Variants in TANC2 observed in about 807,000 individuals in gnomAD.
TANC2 encodes tetratricopeptide repeat, ankyrin repeat and coiled-coil containing 2.
In TANC2, 26 loss-of-function variants were observed where a neutral mutation model predicts 210.5. The observed-to-expected ratio is 0.12, with a 90% confidence interval of 0.09 to 0.17. TANC2 has a LOEUF of 0.17. Ranked by LOEUF, TANC2 falls within the 10% of genes least tolerant of loss-of-function variation. The pLI is 1.00. For missense variants in TANC2, 2,129 were observed against 2,608.9 expected, an observed-to-expected ratio of 0.82 and a Z score of 4.01; for synonymous variants, 931 against 967.1, an observed-to-expected ratio of 0.96 and a Z score of 0.69.
intron 4 of TANC2, among the ~76,000 whole-genome samples, chr17:63,139,810 A>G (rs1479064530): frequency 1.3e-5 from 2 of 152,184 alleles, no homozygotes; most frequent in Non-Finnish European, 2.9e-5. Flanking sequence ...AGGCAGAGGT[A>G]GGAGGATCAC....
chr17:63,095,151 T>C (rs2037340761), intron 3 of TANC2, among the ~76,000 whole-genome samples: 1 of 151,996 alleles, frequency 6.6e-6, no homozygotes, highest in African/African-American at 2.4e-5. Flanking sequence ...GCCAGTGGAA[T>C]GTTAGTGAGC....
chr17:63,088,233 G>C (rs74975156), intron 3 of TANC2: 50 of 152,190 alleles, frequency 3.3e-4, no homozygotes, highest in African/African-American at 1.1e-3. Context: ...GTGGTATATA[G>C]TCATAAGGTT....
intron 11 of TANC2, chr17:63,332,021 C>T (rs2045872539): frequency 7.1e-6 from 2 of 280,594 alleles, no homozygotes; most frequent in South Asian, 4.5e-5. Context: ...CATCATCCAC[C>T]TCTGGCTGTT....
chr17:63,037,580 G>C (rs1238999334), intron 2 of TANC2, among the ~76,000 whole-genome samples: 1 of 152,074 alleles, frequency 6.6e-6, no homozygotes, highest in Non-Finnish European at 1.5e-5. Context: ...TTAGGAGGCT[G>C]AGGCAGGCGG....
intron 1 of TANC2, among the ~76,000 whole-genome samples, chr17:62,999,390 T>C (rs2033266185): frequency 6.6e-6 from 1 of 152,190 alleles, no homozygotes; most frequent in Admixed American, 6.5e-5. Flanking sequence ...CTCAGGTATT[T>C]ATAGTAGTGC....
intron 15 of TANC2, among the ~76,000 whole-genome samples, chr17:63,388,258 G>A (rs1873996522): frequency 6.6e-6 from 1 of 152,136 alleles, no homozygotes; most frequent in Non-Finnish European, 1.5e-5. Context: ...AAATGTTCAG[G>A]AAGAAAATGA....
intron 5 of TANC2, among the ~76,000 whole-genome samples, chr17:63,183,264 G>C (rs1038008938): frequency 1.3e-5 from 2 of 152,206 alleles, no homozygotes; most frequent in African/African-American, 4.8e-5. Context: ...AACATTGCCA[G>C]CATAAATCTT....
At chr17:63,407,162 C>G (rs1326758999) in intron 21 of TANC2, among the ~76,000 whole-genome samples, 3 of 152,244 alleles carry the variant, frequency 2.0e-5, no homozygotes, top group Non-Finnish European at 4.4e-5. Context: ...CAGTCAGAGA[C>G]TTACTGGATC....
intron 5 of TANC2, chr17:63,154,289 T>A (rs1223162087): frequency 6.6e-6 from 1 of 152,150 alleles, no homozygotes; most frequent in African/African-American, 2.4e-5. Context: ...GTTCAGCTCT[T>A]GAAGTGGACA....
At chr17:63,419,278 TCTC>T (rs539730392) in intron 27 of TANC2, among the ~76,000 whole-genome samples, 64 of 152,306 alleles carry the variant, frequency 4.2e-4, no homozygotes, top group African/African-American at 1.4e-3. Context: ...TGACTGAAAT[TCTC>T]CTTCCCTCTG....
At position 63,167,884 on chromosome 17, in the gene TANC2, CAAAAAAAAA is replaced by C. The variant is rs760465295; in HGVS notation, c.433+16521_433+16529del. On this transcript the variant is annotated intron_variant, in intron 5 of 27. Transcript: ENST00000689528. ...TGGGTGACAGAGTGAGACTCTGTCT[CAAAAAAAAA>C]AAAAAAAAAAAAAAAAGAAAAGGAA... is the stretch of plus-strand genomic sequence containing the variant. 1.9e-4 allele frequency among the ~76,000 whole-genome samples: 12 copies of C among 63,978 alleles called. No individual in the cohort carries two copies. The East Asian group carries it at 4.5e-3, about 24-fold the overall frequency. 42.0% of individuals were successfully genotyped at this position (63,978 alleles called of 152,430 possible).
At chr17:63,017,252 T>C (rs1203889342) in intron 2 of TANC2, among the ~76,000 whole-genome samples, 2 of 152,198 alleles carry the variant, frequency 1.3e-5, no homozygotes, top group Non-Finnish European at 2.9e-5. Context: ...TTCATTCATG[T>C]TCCTGGTTCA....
chr17:62,971,006 C>T (rs2143229504), intron 1 of TANC2, among the ~76,000 whole-genome samples: 1 of 151,846 alleles, frequency 6.6e-6, no homozygotes, highest in African/African-American at 2.4e-5. Context: ...CTTAATGTGC[C>T]TGTAGTCATC....
At chr17:63,104,867 G>T (rs939607650) in intron 4 of TANC2, among the ~76,000 whole-genome samples, 1 of 148,846 alleles carries the variant, frequency 6.7e-6, no homozygotes, top group African/African-American at 2.6e-5. Flanking sequence ...GCTCAAATTT[G>T]TTTAAAGTCT....
In TANC2 at chr17:63,421,917, A is replaced by G. The variant is rs867097287; in HGVS notation, c.6187A>G (p.Ile2063Val). The change falls in exon 28 of 28, where the codon ATC (isoleucine) becomes GTC (valine). Residue 2063 changes from isoleucine to valine, a missense_variant. Ile to Val is a conservative substitution (Grantham distance 29). This residue lies in a region of TANC2 where 161 missense variants were observed against 178.6 expected (regional missense o/e 0.90). Coordinates refer to ENST00000689528, the Ensembl canonical transcript of TANC2. This position sits in a 1 kb window ranked among gnomAD's most constrained non-coding sequence, Gnocchi z 6.9. ...CTCTCGGCAAGGGCAGACATCCCCT[A>G]TCAAACCAAAGAGACCGTTCGTGGA... 8.1e-6 allele frequency: 13 copies of G among 1,613,432 alleles called. No individual in the cohort carries two copies. The highest frequency in any genetic ancestry group is 2.2e-5 in the South Asian group (2 of 91,032).
intron 2 of TANC2, among the ~76,000 whole-genome samples, chr17:63,073,252 A>G (rs1408150835): frequency 6.6e-6 from 1 of 152,094 alleles, no homozygotes; most frequent in African/African-American, 2.4e-5. Context: ...TAATGAATTT[A>G]TGATGCATAA....
chr17:63,055,087 A>C (rs2035722775), intron 2 of TANC2, among the ~76,000 whole-genome samples: 1 of 152,204 alleles, frequency 6.6e-6, no homozygotes, highest in South Asian at 2.1e-4. Flanking sequence ...ATAGTCACCC[A>C]GTTGCAGGAA....
chr17:62,999,016 T>C (rs936301874), intron 1 of TANC2, among the ~76,000 whole-genome samples: 1 of 152,186 alleles, frequency 6.6e-6, no homozygotes, highest in African/African-American at 2.4e-5. Flanking sequence ...CAGACTGATA[T>C]AGTTTGGATA....
chr17:63,419,711 A>G (rs1284911266), intron 27 of TANC2, among the ~76,000 whole-genome samples: 1 of 152,178 alleles, frequency 6.6e-6, no homozygotes, highest in African/African-American at 2.4e-5. Flanking sequence ...TTTGGGCACC[A>G]AAACAACTTC....
Sources: gnomAD v4.1 joint callset for allele counts (sites outside exome capture counted in the v4.1 genomes callset) on GRCh38, gnomAD v4.1.1 for gene constraint, gnomAD v4.1.1 regional missense constraint, Gnocchi (gnomAD v3.1) non-coding constraint, MANE v1.5 for transcripts, NCBI Gene and HGNC (gene_info 2026-07-23, HGNC 2026-07-21) for gene names.